SGCZ: variants seen among roughly 807,000 people sequenced by gnomAD.
SGCZ encodes the protein zeta-sarcoglycan.
SGCZ carries 40 observed loss-of-function variants against 41.3 expected under a neutral mutation model. That is an observed-to-expected ratio of 0.97 (90% confidence interval 0.75 to 1.26). The LOEUF (loss-of-function observed/expected upper bound fraction) is 1.26, where lower values mean the gene tolerates loss of function less well. Among genes scored for constraint, SGCZ ranks in the 50% most tolerant of loss-of-function variants. The probability of loss-of-function intolerance (pLI) is 0.00; values close to 1 mark genes in which losing one functional copy is unlikely to be tolerated. For synonymous variants in SGCZ, 206 were observed against 137.5 expected (o/e 1.50, Z -3.49); for missense variants, 552 against 369.8 (o/e 1.49, Z -4.04).
At chr8:14,226,314 G>C (rs1585251876) in intron 4 of SGCZ, among the ~76,000 whole-genome samples, 1 of 152,052 alleles carries the variant, frequency 6.6e-6, no homozygotes, top group Non-Finnish European at 1.5e-5. Flanking sequence ...AGATTGCTGT[G>C]TAATCATTAC....
chr8:14,867,287 C>T (rs1455542582), intron 1 of SGCZ, among the ~76,000 whole-genome samples: 3 of 151,974 alleles, frequency 2.0e-5, no homozygotes, highest in African/African-American at 4.8e-5. Context: ...TGATCATGTC[C>T]TTTTTAAGAG....
intron 1 of SGCZ, among the ~76,000 whole-genome samples, chr8:15,065,543 C>G (rs982277259): frequency 6.6e-6 from 1 of 151,704 alleles, no homozygotes; most frequent in Admixed American, 6.6e-5. Flanking sequence ...CTCCTAGGCT[C>G]AAGCCAACCT....
intron 1 of SGCZ, among the ~76,000 whole-genome samples, chr8:14,818,628 A>C (rs1801976593): frequency 6.6e-6 from 1 of 152,212 alleles, no homozygotes; most frequent in Non-Finnish European, 1.5e-5. Context: ...ATTCAAACTG[A>C]TAATCTTAAG....
intron 1 of SGCZ, among the ~76,000 whole-genome samples, chr8:14,691,385 C>T (rs1158040722): frequency 4.6e-5 from 7 of 151,896 alleles, no homozygotes; most frequent in Non-Finnish European, 7.4e-5. Context: ...CCAAGTCAAC[C>T]GATACATGAA....
At chr8:14,659,449 C>T (rs1035591496) in intron 1 of SGCZ, among the ~76,000 whole-genome samples, 1 of 152,000 alleles carries the variant, frequency 6.6e-6, no homozygotes, top group Non-Finnish European at 1.5e-5. Context: ...AAATTTTTTA[C>T]AGGGTATGAT....
At chr8:15,090,621 C>A (rs945048215) in intron 1 of SGCZ, among the ~76,000 whole-genome samples, 6 of 151,712 alleles carry the variant, frequency 4.0e-5, no homozygotes, top group Admixed American at 3.9e-4. Flanking sequence ...GATTAAGAGC[C>A]AGAGAAACTG....
intron 2 of SGCZ, among the ~76,000 whole-genome samples, chr8:14,400,995 G>T (rs1027925927): frequency 1.3e-5 from 2 of 152,094 alleles, no homozygotes; most frequent in Non-Finnish European, 2.9e-5. Context: ...CTAACAATCA[G>T]TGGAACATGG....
At chr8:14,988,947 A>T (rs1801918947) in intron 1 of SGCZ, among the ~76,000 whole-genome samples, 1 of 152,196 alleles carries the variant, frequency 6.6e-6, no homozygotes, top group Non-Finnish European at 1.5e-5. Context: ...AAAAATGAGT[A>T]ATTGCTCAAC....
intron 1 of SGCZ, among the ~76,000 whole-genome samples, chr8:14,576,359 A>C (rs149184339): frequency 1.5e-4 from 23 of 152,198 alleles, no homozygotes; most frequent in African/African-American, 5.3e-4. Flanking sequence ...GGGAAAAAAA[A>C]CTGAGTTTTA....
intron 2 of SGCZ, among the ~76,000 whole-genome samples, chr8:14,339,929 T>C (rs1802644237): frequency 6.6e-6 from 1 of 151,254 alleles, no homozygotes; most frequent in Admixed American, 6.6e-5. Context: ...GGAACGAAAA[T>C]ATAAAAAATG....
intron 1 of SGCZ, among the ~76,000 whole-genome samples, chr8:15,038,364 T>C (rs867059495): frequency 6.6e-6 from 1 of 152,032 alleles, no homozygotes; most frequent in Non-Finnish European, 1.5e-5. Context: ...GAAAGGATGA[T>C]CTCTTCAATA....
At chr8:14,880,074 C>G (rs1804529238) in intron 1 of SGCZ, among the ~76,000 whole-genome samples, 3 of 152,150 alleles carry the variant, frequency 2.0e-5, no homozygotes, top group Admixed American at 6.6e-5. Context: ...CTCCTGATCT[C>G]AGGTAATCTG....
chr8:14,776,178 G>C (rs987942667), intron 1 of SGCZ, among the ~76,000 whole-genome samples: 3 of 152,080 alleles, frequency 2.0e-5, no homozygotes, highest in African/African-American at 7.2e-5. Context: ...TTTGCTCTTT[G>C]ATATGGTTTG....
intron 2 of SGCZ, among the ~76,000 whole-genome samples, chr8:14,415,409 G>A (rs184982293): frequency 1.3e-5 from 2 of 151,806 alleles, no homozygotes; most frequent in Non-Finnish European, 2.9e-5. Context: ...ATGAGTTAAT[G>A]CTCCTACAAA....
chr8:14,576,793 G>T (rs1328187414), intron 1 of SGCZ, among the ~76,000 whole-genome samples: 4 of 152,134 alleles, frequency 2.6e-5, no homozygotes, highest in Non-Finnish European at 5.9e-5. Context: ...CACACATCAA[G>T]GGTATAATAG....
chr8:14,213,058 G>T (rs889994994), intron 4 of SGCZ, among the ~76,000 whole-genome samples: 1 of 151,964 alleles, frequency 6.6e-6, no homozygotes, highest in Non-Finnish European at 1.5e-5. Flanking sequence ...GGATTCTCAG[G>T]GACTGTGGGA....
intron 2 of SGCZ, among the ~76,000 whole-genome samples, chr8:14,409,583 T>G (rs1799306300): frequency 6.6e-6 from 1 of 152,168 alleles, no homozygotes; most frequent in South Asian, 2.1e-4. Context: ...TGTACAAAGA[T>G]GCAAGATCCA....
intron 1 of SGCZ, among the ~76,000 whole-genome samples, chr8:14,558,574 T>TAGAGAGAGAGAGAGAGACAGAGAGAG (rs1554539154): frequency 2.0e-5 from 2 of 99,812 alleles, no homozygotes; most frequent in East Asian, 6.0e-4. Flanking sequence ...GAATGACTCT[T>TAGAGAGAGAGAGAGAGACAGAGAGAG]AGAGAGAGAG....
chr8:14,465,379 C>T (rs1007627904), intron 2 of SGCZ, among the ~76,000 whole-genome samples: 5 of 151,546 alleles, frequency 3.3e-5, no homozygotes, highest in East Asian at 1.9e-4. Flanking sequence ...TTTAACTATC[C>T]GTGGTATTAT....
Sources: gnomAD v4.1 joint callset for allele counts (sites outside exome capture counted in the v4.1 genomes callset) on GRCh38, gnomAD v4.1.1 for gene constraint, MANE v1.5 for transcripts, NCBI Gene and HGNC (gene_info 2026-07-23, HGNC 2026-07-21) for gene names.